KCNC1: variants seen among roughly 807,000 people sequenced by gnomAD.
KCNC1 encodes the protein voltage-gated potassium channel KCNC1.
In KCNC1, 8 loss-of-function variants were observed where a neutral mutation model predicts 43.4. The ratio of observed to expected loss-of-function variants is 0.18; its 90% CI spans 0.11 to 0.33. KCNC1 has a LOEUF of 0.33. Ranked by LOEUF, KCNC1 falls within the 10% of genes least tolerant of loss-of-function variation. The pLI is 1.00. For missense variants in KCNC1, 420 were observed against 836.0 expected, an observed-to-expected ratio of 0.50 and a Z score of 6.14; for synonymous variants, 361 against 360.5, an observed-to-expected ratio of 1.00 and a Z score of -0.01.
Position 17,781,799 on chromosome 11 carries a change from C to T in KCNC1, c.*65C>T. The T allele has an allele frequency of 1.8e-6, 2 of 1,099,016 alleles. No individual in the cohort carries two copies. Among genetic ancestry groups the T allele is most frequent in the African/African-American group, 1.6e-5 (1 of 64,426 alleles). 68.1% of individuals were successfully genotyped at this position (1,099,016 alleles called of 1,614,324 possible). On this transcript the variant is annotated 3_prime_UTR_variant, in exon 4 of 4. Coordinates refer to ENST00000265969, the MANE Select transcript of KCNC1 (RefSeq NM_001112741.2). The surrounding 1 kb of genome is among the most constrained non-coding windows in gnomAD (Gnocchi z 5.1). ...TCTGGGTGGACCTGCAGCCCCTCCT[C>T]ACCCTCGGACAGAGTAAATTCACGC...
chr11:17,740,880 G>T (rs575481925), intron 1 of KCNC1, among the ~76,000 whole-genome samples: 1 of 152,236 alleles, frequency 6.6e-6, no homozygotes, highest in Admixed American at 6.5e-5. Flanking sequence ...ACCTGGTGGC[G>T]GGAAATAAAG....
In KCNC1 at chr11:17,777,413, G is replaced by A; in HGVS notation, c.1505-2043G>A. ...TCTCCCCTTGAGGAAAATCCATGCA[G>A]GGTGCTATGGGCCTCAACCCCCACA... On this transcript the variant is annotated intron_variant, in intron 2 of 3. Coordinates refer to ENST00000265969, the MANE Select transcript of KCNC1 (RefSeq NM_001112741.2). This position sits in a 1 kb window ranked among gnomAD's most constrained non-coding sequence, Gnocchi z 4.3. 1 of 985,856 alleles carries A rather than the reference G, an allele frequency of 1.0e-6. No homozygotes were observed. The highest frequency in any genetic ancestry group is 1.2e-6 in the Non-Finnish European group (1 of 829,952). The allele number at this position is 985,856 out of a possible 1,614,324, so 61.1% of individuals were successfully genotyped here. A position where few individuals can be genotyped will look rare whatever the true frequency, so the allele number is the denominator to read the frequency against.
intron 1 of KCNC1, among the ~76,000 whole-genome samples, chr11:17,768,758 G>A (rs544896838): frequency 2.0e-5 from 3 of 152,260 alleles, no homozygotes; most frequent in Non-Finnish European, 4.4e-5. Context: ...CAGTGTGCTT[G>A]TTCCTCTCGT....
intron 1 of KCNC1, among the ~76,000 whole-genome samples, chr11:17,748,240 T>TGGG (rs1848924063): frequency 6.6e-6 from 1 of 151,208 alleles, no homozygotes; most frequent in African/African-American, 2.4e-5. Context: ...TTGAAGGAGG[T>TGGG]GAGGAAGGAG....
chr11:17,772,683 C>T (rs1849243901), intron 2 of KCNC1, 85 bp downstream of exon 2: 3 of 1,549,024 alleles, frequency 1.9e-6, no homozygotes, highest in Non-Finnish European at 2.6e-6. Context: ...CAGACTGCTT[C>T]CTTAGTTCCG....
chr11:17,738,069 G>T (rs1460285086), intron 1 of KCNC1, among the ~76,000 whole-genome samples: 3 of 152,046 alleles, frequency 2.0e-5, no homozygotes, highest in African/African-American at 7.2e-5. Flanking sequence ...TGTGTTTATG[G>T]GGGGAGGCAA....
rs1414808492 is a variant in KCNC1 at position 17,739,182 on chromosome 11, C to G, written c.570+2610C>G. 1.3e-5 allele frequency among the ~76,000 whole-genome samples: 2 copies of G among 152,214 alleles called. No homozygotes were observed. The highest frequency in any genetic ancestry group is 4.8e-5 in the African/African-American group (2 of 41,442). On this transcript the variant is annotated intron_variant, in intron 1 of 3. Coordinates refer to ENST00000265969, the MANE Select transcript of KCNC1 (RefSeq NM_001112741.2). The surrounding 1 kb of genome is among the most constrained non-coding windows in gnomAD (Gnocchi z 4.2). ...CTCCCCCACACGGGGCCCCGAGACT[C>G]CTCACACCAGCGGGTCGGGACTTAA...
intron 1 of KCNC1, among the ~76,000 whole-genome samples, chr11:17,753,119 T>C (rs767335822): frequency 3.9e-5 from 6 of 152,228 alleles, no homozygotes; most frequent in Non-Finnish European, 7.3e-5. Context: ...GATGTTCTTG[T>C]GGGTAACACA....
At position 17,771,577 on chromosome 11, in the gene KCNC1, C is replaced by A; in HGVS notation, c.571-88C>A. 3.4e-6 allele frequency: 4 copies of A among 1,165,636 alleles called. No individual in the cohort carries two copies. Among genetic ancestry groups the A allele is most frequent in the Non-Finnish European group, 4.9e-6 (4 of 815,640 alleles). The allele number at this position is 1,165,636 out of a possible 1,614,324, so 72.2% of individuals were successfully genotyped here. A position where few individuals can be genotyped will look rare whatever the true frequency, so the allele number is the denominator to read the frequency against. On this transcript the variant is annotated intron_variant, in intron 1 of 3. Transcript: ENST00000265969. This position sits in a 1 kb window ranked among gnomAD's most constrained non-coding sequence, Gnocchi z 4.7. ...GGGGGCCTGGTGCTGGCATCTCCCC[C>A]CGCCTGGCCCTGGGACTGGACAGAG...
Position 17,756,323 on chromosome 11 carries a change from A to AC in KCNC1, c.571-15342_571-15341insC, listed in dbSNP as rs545040243. 6.7e-3 allele frequency among the ~76,000 whole-genome samples: 1,021 copies of AC among 152,084 alleles called. 12 individuals carry two copies. The highest frequency in any genetic ancestry group is 8.4e-3 in the Non-Finnish European group (569 of 67,984). ...ATATTTGCTTGTATGGTTAATTGAT[A>AC]AATGTCAATGTCCCCCTCTCCTACT... On this transcript the variant is annotated intron_variant, in intron 1 of 3. Transcript: ENST00000265969.
rs111321146 is a variant in KCNC1 at position 17,760,137 on chromosome 11, GA to G, written c.571-11522del. Among the ~76,000 whole-genome samples, 3 of 151,856 alleles carry G rather than the reference GA, an allele frequency of 2.0e-5. No homozygotes were observed. The South Asian group carries it at 6.2e-4, about 32-fold the overall frequency. ...CCACAGAACCCTTAAAAATAAAGAA[GA>G]AAAAATACATGTAGTATAATGAAGA... On this transcript the variant is annotated intron_variant, in intron 1 of 3. Transcript: ENST00000265969.
chr11:17,747,845 C>G (rs181694558), intron 1 of KCNC1, among the ~76,000 whole-genome samples: 2 of 152,350 alleles, frequency 1.3e-5, no homozygotes, highest in East Asian at 3.9e-4. Flanking sequence ...CAGCCTGGCT[C>G]TGGCACCCCT....
intron 2 of KCNC1, 140 bp downstream of exon 2, chr11:17,772,738 G>T (rs1849244475): frequency 6.0e-6 from 9 of 1,497,746 alleles, no homozygotes; most frequent in Middle Eastern, 2.5e-4. Flanking sequence ...TGTGGAGCCT[G>T]GGGGCCCAGG....
chr11:17,737,168 T>C (rs1199354910), intron 1 of KCNC1, among the ~76,000 whole-genome samples: 2 of 151,686 alleles, frequency 1.3e-5, no homozygotes, highest in East Asian at 3.9e-4. Context: ...AGAGGGCATC[T>C]CCATGGCTAA....
At chr11:17,745,009 G>C in intron 1 of KCNC1, among the ~76,000 whole-genome samples, 1 of 152,064 alleles carries the variant, frequency 6.6e-6, no homozygotes, top group East Asian at 1.9e-4. Context: ...GTGGCCCTCT[G>C]ACCAACAGCA....
intron 1 of KCNC1, among the ~76,000 whole-genome samples, chr11:17,762,716 T>C (rs1293507591): frequency 1.3e-5 from 2 of 152,188 alleles, no homozygotes; most frequent in East Asian, 3.9e-4. Flanking sequence ...ATCGCCACAC[T>C]GGAGCCCAGT....
In KCNC1 at chr11:17,781,854, G is replaced by A. The variant is rs1849349539; in HGVS notation, c.*120G>A. ...CAGGTTTGCCGGACGAGTCCGAGTG[G>A]CCCAGGCATTGTACTAGGACGGACG... On this transcript the variant is annotated 3_prime_UTR_variant, in exon 4 of 4. Transcript: ENST00000265969. This position sits in a 1 kb window ranked among gnomAD's most constrained non-coding sequence, Gnocchi z 5.1. 2 of 694,748 alleles carry A rather than the reference G, an allele frequency of 2.9e-6. No homozygotes were observed. Among genetic ancestry groups the A allele is most frequent in the African/African-American group, 1.8e-5 (1 of 56,360 alleles). 43.0% of individuals were successfully genotyped at this position (694,748 alleles called of 1,614,324 possible).
chr11:17,751,920 T>C (rs1208823931), intron 1 of KCNC1, among the ~76,000 whole-genome samples: 2 of 152,164 alleles, frequency 1.3e-5, no homozygotes, highest in Non-Finnish European at 2.9e-5. Flanking sequence ...TGAGAACCTC[T>C]GATAGCTCAG....
At chr11:17,778,946 T>A (rs2133810041) in intron 2 of KCNC1, among the ~76,000 whole-genome samples, 1 of 151,752 alleles carries the variant, frequency 6.6e-6, no homozygotes, top group African/African-American at 2.4e-5. Context: ...GATGAGATGG[T>A]CTGTATGGAG....
Sources: gnomAD v4.1 joint callset for allele counts (sites outside exome capture counted in the v4.1 genomes callset) on GRCh38, gnomAD v4.1.1 for gene constraint, Gnocchi (gnomAD v3.1) non-coding constraint, MANE v1.5 for transcripts, NCBI Gene and HGNC (gene_info 2026-07-23, HGNC 2026-07-21) for gene names.